The following SLC16A10 variants were observed in gnomAD, a reference collection of about 807,000 sequenced individuals.
SLC16A10 encodes monocarboxylate transporter 10.
In SLC16A10, 27 loss-of-function variants were observed where a neutral mutation model predicts 40.0. The observed-to-expected ratio is 0.67, with a 90% confidence interval of 0.50 to 0.93. SLC16A10 has a LOEUF of 0.93. SLC16A10 is among the 40% of genes least tolerant of loss of function. SLC16A10 has a pLI of 0.00. For missense variants in SLC16A10, 529 were observed against 658.2 expected (o/e 0.80, Z 2.15); for synonymous variants, 213 against 249.8 (o/e 0.85, Z 1.39).
intron 1 of SLC16A10, among the ~76,000 whole-genome samples, chr6:111,149,664 A>G (rs1000482563): frequency 2.3e-4 from 35 of 152,208 alleles, no homozygotes; most frequent in African/African-American, 8.2e-4. Context: ...TCCAAAATCA[A>G]CTGCTTTCAG....
At chr6:111,165,180 A>G (rs905430617) in intron 1 of SLC16A10, among the ~76,000 whole-genome samples, 10 of 152,216 alleles carry the variant, frequency 6.6e-5, no homozygotes, top group Admixed American at 5.9e-4. Context: ...GGCCTAATAA[A>G]TAGTTATAGC....
At chr6:111,124,420 A>G (rs895785061) in intron 1 of SLC16A10, among the ~76,000 whole-genome samples, 1 of 151,276 alleles carries the variant, frequency 6.6e-6, no homozygotes, top group Non-Finnish European at 1.5e-5. Context: ...CAGTGGTGCA[A>G]TCATGGCCAC....
chr6:111,165,234 A>T (rs1772450266), intron 1 of SLC16A10, among the ~76,000 whole-genome samples: 1 of 152,190 alleles, frequency 6.6e-6, no homozygotes, highest in Non-Finnish European at 1.5e-5. Flanking sequence ...TCTGCTTTTA[A>T]TTCTTTGGGT....
chr6:111,141,825 C>G (rs974534221), intron 1 of SLC16A10, among the ~76,000 whole-genome samples: 2 of 152,094 alleles, frequency 1.3e-5, no homozygotes, highest in Admixed American at 1.3e-4. Context: ...ACAGATATTC[C>G]ATGTTCATGG....
At chr6:111,139,795 G>T (rs55696563) in intron 1 of SLC16A10, among the ~76,000 whole-genome samples, 2,110 of 152,318 alleles carry the variant, frequency 0.014, 50 homozygotes, top group African/African-American at 0.049. Flanking sequence ...CTCAGTAATA[G>T]GATTGCTGGA....
intron 1 of SLC16A10, among the ~76,000 whole-genome samples, chr6:111,143,896 G>C (rs1772028583): frequency 6.6e-6 from 1 of 152,146 alleles, no homozygotes; most frequent in Non-Finnish European, 1.5e-5. Flanking sequence ...GGTCAAGATG[G>C]GAGGATCACT....
At chr6:111,196,806 T>C (rs764338717) in intron 3 of SLC16A10, among the ~76,000 whole-genome samples, 1 of 152,152 alleles carries the variant, frequency 6.6e-6, no homozygotes, top group Non-Finnish European at 1.5e-5. Flanking sequence ...AATCTAGAGA[T>C]TAATTAAAGT....
At chr6:111,194,330 A>G (rs2114569801) in intron 3 of SLC16A10, among the ~76,000 whole-genome samples, 1 of 152,346 alleles carries the variant, frequency 6.6e-6, no homozygotes, top group East Asian at 1.9e-4. Context: ...TCACACACAT[A>G]TAGTTAATGA....
chr6:111,181,209 C>A lies in SLC16A10; in HGVS notation c.942+3544C>A, dbSNP rs184553912. Among the ~76,000 whole-genome samples the A allele has an allele frequency of 1.7e-4, 25 of 145,504 alleles. 1 individual carries two copies. In the East Asian group the frequency reaches 4.9e-3, roughly 28 times the overall value. On this transcript the variant is annotated intron_variant, in intron 3 of 5. Coordinates refer to ENST00000368851, the MANE Select transcript of SLC16A10 (RefSeq NM_018593.5). ...CAGCCTGGGTGACAAGAGCGAAACTCCATCTCAAAAAAAAAAAAAAAAAAA... is the reference window on the plus strand; with the variant it reads ...CAGCCTGGGTGACAAGAGCGAAACTACATCTCAAAAAAAAAAAAAAAAAAA...
chr6:111,191,752 G>A (rs987833371), intron 3 of SLC16A10, among the ~76,000 whole-genome samples: 2 of 152,088 alleles, frequency 1.3e-5, no homozygotes, highest in Admixed American at 1.3e-4. Context: ...GTTTTGATTT[G>A]CATTTCTCTA....
chr6:111,106,535 G>A (rs1191478968), intron 1 of SLC16A10, among the ~76,000 whole-genome samples: 1 of 152,176 alleles, frequency 6.6e-6, no homozygotes, highest in East Asian at 1.9e-4. Context: ...CTGAGAATGG[G>A]TTATGGAAGA....
intron 3 of SLC16A10, among the ~76,000 whole-genome samples, chr6:111,181,130 G>A (rs964902878): frequency 1.8e-4 from 27 of 151,354 alleles, no homozygotes; most frequent in African/African-American, 5.6e-4. Flanking sequence ...CAGGAGAATC[G>A]CTTGAACTTG....
At chr6:111,199,459 CAA>C (rs563671372) in intron 3 of SLC16A10, among the ~76,000 whole-genome samples, 14 of 97,922 alleles carry the variant, frequency 1.4e-4, no homozygotes, top group South Asian at 3.7e-4. Flanking sequence ...AATGCCATCT[CAA>C]AAAAAAAAAA....
intron 1 of SLC16A10, among the ~76,000 whole-genome samples, chr6:111,107,153 G>A (rs910324980): frequency 6.6e-6 from 1 of 151,972 alleles, no homozygotes; most frequent in African/African-American, 2.4e-5. Context: ...AAAAGTTCAT[G>A]GAAAAAATGT....
chr6:111,113,804 C>T (rs1262340326), intron 1 of SLC16A10, among the ~76,000 whole-genome samples: 1 of 152,066 alleles, frequency 6.6e-6, no homozygotes, highest in Admixed American at 6.5e-5. Flanking sequence ...TCTCAGTCGC[C>T]CTTTCTTTGT....
intron 1 of SLC16A10, among the ~76,000 whole-genome samples, chr6:111,129,211 G>A (rs925672946): frequency 1.3e-5 from 2 of 152,220 alleles, no homozygotes; most frequent in African/African-American, 2.4e-5. Context: ...AGGAACAGCT[G>A]TGTATTTGGA....
chr6:111,138,787 C>T (rs2114499476), intron 1 of SLC16A10, among the ~76,000 whole-genome samples: 1 of 152,178 alleles, frequency 6.6e-6, no homozygotes, highest in African/African-American at 2.4e-5. Flanking sequence ...TGCCTGGTGG[C>T]AGTGCTCGTT....
chr6:111,178,086 A>G (rs1388562190), intron 3 of SLC16A10, among the ~76,000 whole-genome samples: 1 of 152,250 alleles, frequency 6.6e-6, no homozygotes, highest in Non-Finnish European at 1.5e-5. Context: ...AATTACAATC[A>G]GTATAAAACA....
intron 1 of SLC16A10, among the ~76,000 whole-genome samples, chr6:111,107,127 G>A (rs933005429): frequency 3.3e-5 from 5 of 152,004 alleles, no homozygotes; most frequent in Non-Finnish European, 4.4e-5. Context: ...ATAAAGAAAC[G>A]TATGAGGGGT....
Sources: gnomAD v4.1 joint callset for allele counts (sites outside exome capture counted in the v4.1 genomes callset) on GRCh38, gnomAD v4.1.1 for gene constraint, MANE v1.5 for transcripts, NCBI Gene and HGNC (gene_info 2026-07-23, HGNC 2026-07-21) for gene names.